PRDM15: variants seen among roughly 807,000 people sequenced by gnomAD.
The protein encoded by PRDM15 is PR/SET domain 15, also known as PR domain zinc finger protein 15.
In PRDM15, 64 loss-of-function variants were observed where a neutral mutation model predicts 128.6. The observed-to-expected ratio is 0.50, with a 90% CI of 0.41 to 0.61. PRDM15 has a LOEUF of 0.61. Ranked by LOEUF, PRDM15 falls within the 20% of genes least tolerant of loss-of-function variation. The pLI is 0.00. For synonymous variants in PRDM15, 615 were observed against 621.8 expected (o/e 0.99, Z 0.16); for missense variants, 1,242 against 1,569.1 (o/e 0.79, Z 3.52).
rs185649555 is a variant in PRDM15 at position 41,818,263 on chromosome 21, T to C, written c.2260+1319A>G. On this transcript the variant is annotated intron_variant, in intron 18 of 23. Coordinates refer to ENST00000398548, the MANE Select transcript of PRDM15 (RefSeq NM_001040424.3). Reference sequence around the variant, plus strand: ...TCCCGCTAAGGCAGGCAGACACTGCTACCGACATTCTGTTCAGAGAAACCA... The same window carrying C: ...TCCCGCTAAGGCAGGCAGACACTGCCACCGACATTCTGTTCAGAGAAACCA... Among the ~76,000 whole-genome samples the C allele has an allele frequency of 2.0e-3, 309 of 152,302 alleles. 4 individuals are homozygous for C. The highest frequency in any genetic ancestry group is 7.2e-3 in the African/African-American group (300 of 41,572).
At chr21:41,834,514 C>G (rs113774580) in intron 11 of PRDM15, 190,115 of 1,549,682 alleles carry the variant, frequency 0.12, 13,739 homozygotes, top group Non-Finnish European at 0.14. Context: ...CCTGGTAGGT[C>G]TCTAAGCCGA....
In PRDM15 at chr21:41,820,514, C is replaced by T. The variant is rs1444196395; in HGVS notation, c.2061-340G>A. ...TTGGGCACAGACACGCACAGTGGAA[C>T]GGCCCTATGAGGACACAGGGAGAAG... On this transcript the variant is annotated intron_variant, in intron 16 of 23. Coordinates refer to ENST00000398548, the MANE Select transcript of PRDM15 (RefSeq NM_001040424.3). 3.3e-5 allele frequency among the ~76,000 whole-genome samples: 5 copies of T among 152,190 alleles called. No individual in the cohort carries two copies. In the East Asian group the frequency reaches 7.7e-4, roughly 24 times the overall value.
At chr21:41,806,698 CCCAT>C (rs1318388877) in intron 21 of PRDM15, among the ~76,000 whole-genome samples, 12 of 50,756 alleles carry the variant, frequency 2.4e-4, no homozygotes, top group African/African-American at 1.0e-3. Flanking sequence ...ACCACCACCA[CCCAT>C]CACTACCACC....
intron 1 of PRDM15, chr21:41,878,577 C>T: frequency 1.9e-6 from 1 of 521,212 alleles, no homozygotes; most frequent in East Asian, 4.2e-5. Flanking sequence ...GCCCCGTCCC[C>T]GAACGGCCAC....
intron 5 of PRDM15, among the ~76,000 whole-genome samples, chr21:41,848,347 G>A (rs1164231037): frequency 6.6e-6 from 1 of 152,218 alleles, no homozygotes; most frequent in African/African-American, 2.4e-5. Context: ...CAAGAAGAAA[G>A]AGGCATAAAT....
At chr21:41,839,902 G>A (rs200247420) in intron 6 of PRDM15, 49 bp from the exon 7 acceptor site, 77 of 1,504,064 alleles carry the variant, frequency 5.1e-5, no homozygotes, top group East Asian at 5.0e-4. Flanking sequence ...GCCTGCCACC[G>A]TCCACACCCA....
chr21:41,809,378 G>A (rs1397064462), intron 21 of PRDM15, among the ~76,000 whole-genome samples: 1 of 151,944 alleles, frequency 6.6e-6, no homozygotes, highest in East Asian at 1.9e-4. Context: ...GACTACAGGC[G>A]CCCACCACCA....
chr21:41,803,048 G>C, intron 22 of PRDM15, 127 bp from the exon 23 acceptor site: 1 of 744,824 alleles, frequency 1.3e-6, no homozygotes, highest in Non-Finnish European at 2.4e-6. Context: ...CCACCGAGCT[G>C]CCACAAGAAA....
intron 6 of PRDM15, 73 bp downstream of exon 6, chr21:41,847,017 A>C: frequency 1.0e-6 from 1 of 989,240 alleles, no homozygotes; most frequent in East Asian, 2.6e-5. Flanking sequence ...AGCCGCAGAC[A>C]GGTGACAGCG....
At chr21:41,868,698 T>TTC (rs1042688175) in intron 1 of PRDM15, among the ~76,000 whole-genome samples, 7 of 146,788 alleles carry the variant, frequency 4.8e-5, no homozygotes, top group Non-Finnish European at 7.5e-5. Flanking sequence ...CTTTTTCTTT[T>TTC]TTTTTTTTTT....
intron 1 of PRDM15, among the ~76,000 whole-genome samples, chr21:41,869,283 T>C (rs746957739): frequency 1.3e-5 from 2 of 152,048 alleles, no homozygotes; most frequent in African/African-American, 2.4e-5. Flanking sequence ...CTCCTACGTT[T>C]CTTAGAAAAG....
rs185321045 is a variant in PRDM15, at chr21:41,879,218, C to T, written c.-10+52G>A. ...CGGGGGCAGCGGGTGCGGCCCGGGG[C>T]CGGCGGGGCGCACGCCGGGGCGGGC... On this transcript the variant is annotated intron_variant, in intron 1 of 23. Transcript: ENST00000398548. The surrounding 1 kb of genome is among the most constrained non-coding windows in gnomAD (Gnocchi z 5.1). The T allele has an allele frequency of 2.2e-5, 17 of 775,250 alleles. No homozygotes were observed. The highest frequency in any genetic ancestry group is 2.5e-5 in the Non-Finnish European group (16 of 642,396). 48.0% of individuals were successfully genotyped at this position (775,250 alleles called of 1,614,324 possible). A position where few individuals can be genotyped will look rare whatever the true frequency, so the allele number is the denominator to read the frequency against.
chr21:41,878,901 C>A, intron 1 of PRDM15: 1 of 954,388 alleles, frequency 1.0e-6, no homozygotes, highest in Non-Finnish European at 1.2e-6. Flanking sequence ...GGCAGCCCCG[C>A]GGCCCCGCGC....
chr21:41,856,995 C>T (rs1046037248), intron 4 of PRDM15, among the ~76,000 whole-genome samples, 181 bp downstream of exon 4: 11 of 152,210 alleles, frequency 7.2e-5, no homozygotes, highest in South Asian at 2.1e-4. Context: ...AACTTAATAT[C>T]GATGCTCTTG....
Position 41,800,820 on chromosome 21 carries a change from TC to T in PRDM15, c.*419del. ...CCACCTGTGAATACTGTCTGTGTTC[TC>T]ATAGGAACCGAGCTCTAAAAGAAAA... is the stretch of plus-strand genomic sequence containing the variant. On this transcript the variant is annotated 3_prime_UTR_variant, in exon 24 of 24. Coordinates refer to ENST00000398548, the MANE Select transcript of PRDM15 (RefSeq NM_001040424.3). The T allele has an allele frequency of 6.1e-6, 1 of 163,208 alleles. No individual in the cohort carries two copies. Among genetic ancestry groups the T allele is most frequent in the Non-Finnish European group, 1.3e-5 (1 of 75,836 alleles). 10.1% of individuals were successfully genotyped at this position (163,208 alleles called of 1,614,324 possible).
In PRDM15 at chr21:41,847,316, C is replaced by T. The variant is rs754790158; in HGVS notation, c.539-125G>A. 1.9e-5 allele frequency: 12 copies of T among 643,164 alleles called. No homozygotes were observed. The Middle Eastern group carries it at 8.9e-4, about 48-fold the overall frequency. 39.8% of individuals were successfully genotyped at this position (643,164 alleles called of 1,614,324 possible). On this transcript the variant is annotated intron_variant, in intron 5 of 23. Transcript: ENST00000398548. ...TGATGACAGTGATGACGGCAGCAGA[C>T]GGGCCTGTGGTCACTCCACATGACA...
At chr21:41,835,298 G>C (rs116942602) in intron 11 of PRDM15, 139 bp downstream of exon 11, 1 of 708,656 alleles carries the variant, frequency 1.4e-6, no homozygotes, top group Non-Finnish European at 2.4e-6. Context: ...AAGCAAAATG[G>C]ACAGAGGGAA....
Position 41,820,381 on chromosome 21 carries a change from A to G in PRDM15, c.2061-207T>C, listed in dbSNP as rs1340187221. On this transcript the variant is annotated intron_variant, in intron 16 of 23. Transcript: ENST00000398548. ...GAAGTCTTAACCCCGGCACTTCACA[A>G]TGTGACTATGTTTGGAGATGGGGTC... Among the ~76,000 whole-genome samples the G allele has an allele frequency of 2.6e-5, 4 of 152,162 alleles. No individual in the cohort carries two copies. In the South Asian group the frequency reaches 6.2e-4, roughly 24 times the overall value.
intron 10 of PRDM15, 84 bp from the exon 11 acceptor site, chr21:41,835,608 T>TC: frequency 9.3e-7 from 1 of 1,075,116 alleles, no homozygotes; most frequent in Non-Finnish European, 1.4e-6. Flanking sequence ...CCCGGGCGAC[T>TC]CCACGCCTGT....
Sources: allele counts gnomAD v4.1 joint callset (sites outside exome capture counted in the v4.1 genomes callset), GRCh38; gene constraint gnomAD v4.1.1; non-coding constraint Gnocchi (gnomAD v3.1); transcripts MANE v1.5; gene names NCBI Gene and HGNC (gene_info 2026-07-23, HGNC 2026-07-21).